Variants in SHANK2 observed in about 807,000 individuals in gnomAD.
The protein encoded by SHANK2 is SH3 and multiple ankyrin repeat domains 2.
In SHANK2, 43 loss-of-function variants were observed where a neutral mutation model predicts 133.7. The observed-to-expected ratio is 0.32, with a 90% confidence interval of 0.25 to 0.41. The LOEUF (loss-of-function observed/expected upper bound fraction) is 0.41. Ranked by LOEUF, SHANK2 falls within the 10% of genes least tolerant of loss-of-function variation. The pLI, the probability that SHANK2 is intolerant of heterozygous loss-of-function variation, is 1.00. For missense variants in SHANK2, 1,994 were observed against 2,235.8 expected, an observed-to-expected ratio of 0.89 and a Z score of 2.18; for synonymous variants, 1,017 against 952.8, an observed-to-expected ratio of 1.07 and a Z score of -1.24.
chr11:70,519,603 C>T (rs546322254), intron 17 of SHANK2, among the ~76,000 whole-genome samples: 2 of 152,108 alleles, frequency 1.3e-5, no homozygotes, highest in Admixed American at 1.3e-4. Context: ...GCCGAGATCG[C>T]ACCATTGCAC....
intron 14 of SHANK2, among the ~76,000 whole-genome samples, chr11:70,725,105 G>A (rs1195241527): frequency 6.6e-6 from 1 of 152,144 alleles, no homozygotes; most frequent in Non-Finnish European, 1.5e-5. Flanking sequence ...TCTTTGGGGG[G>A]GAAAACACTT....
At chr11:71,172,010 G>A (rs1953324317) in intron 2 of SHANK2, among the ~76,000 whole-genome samples, 1 of 152,226 alleles carries the variant, frequency 6.6e-6, no homozygotes, top group Non-Finnish European at 1.5e-5. Context: ...AGCAGCAGTA[G>A]GGTGATGGGA....
chr11:70,757,269 G>A (rs1555039140), intron 14 of SHANK2, among the ~76,000 whole-genome samples: 1 of 152,178 alleles, frequency 6.6e-6, no homozygotes, highest in Non-Finnish European at 1.5e-5. Context: ...TGAGCAAGGG[G>A]CTTACACTCT....
At chr11:70,936,241 G>C (rs111768990) in intron 10 of SHANK2, among the ~76,000 whole-genome samples, 3,461 of 152,352 alleles carry the variant, frequency 0.023, 77 homozygotes, top group Non-Finnish European at 0.03. Flanking sequence ...GCCAGGCGCG[G>C]TGGCTCACGC....
intron 2 of SHANK2, among the ~76,000 whole-genome samples, chr11:71,204,480 CG>C (rs1342195945): frequency 1.3e-5 from 2 of 152,150 alleles, no homozygotes; most frequent in African/African-American, 2.4e-5. Context: ...CAGGCTCCGA[CG>C]GGAAGAGGCA....
intron 8 of SHANK2, among the ~76,000 whole-genome samples, chr11:71,076,831 C>T (rs1439139871): frequency 6.6e-6 from 1 of 152,226 alleles, no homozygotes; most frequent in Non-Finnish European, 1.5e-5. Flanking sequence ...GCCCAGCTGA[C>T]CTTAGAGAAG....
intron 10 of SHANK2, among the ~76,000 whole-genome samples, chr11:70,914,939 ATTCAG>A (rs1341428220): frequency 6.6e-6 from 1 of 151,628 alleles, no homozygotes; most frequent in Admixed American, 6.6e-5. Flanking sequence ...AAGGAAGAAA[ATTCAG>A]TTGTTAAAGT....
intron 14 of SHANK2, among the ~76,000 whole-genome samples, chr11:70,797,675 C>T (rs1349394209): frequency 3.3e-5 from 5 of 152,212 alleles, no homozygotes; most frequent in South Asian, 2.1e-4. Context: ...CGGCAGGCTC[C>T]GCACAAGAAG....
At chr11:70,540,398 G>T (rs1274188329) in intron 17 of SHANK2, among the ~76,000 whole-genome samples, 1 of 152,090 alleles carries the variant, frequency 6.6e-6, no homozygotes, top group Non-Finnish European at 1.5e-5. Context: ...TGGAGTCGAG[G>T]TGATGAAGGC....
chr11:70,933,699 C>T (rs1422577236), intron 10 of SHANK2, among the ~76,000 whole-genome samples: 1 of 151,726 alleles, frequency 6.6e-6, no homozygotes, highest in African/African-American at 2.4e-5. Context: ...GCGGATGGAT[C>T]ACATGAGGTC....
intron 17 of SHANK2, among the ~76,000 whole-genome samples, chr11:70,556,126 T>C (rs2059825871): frequency 6.6e-6 from 1 of 152,246 alleles, no homozygotes; most frequent in African/African-American, 2.4e-5. Context: ...GTAGCCTGTT[T>C]AGGTTAGCTT....
In SHANK2 at chr11:70,503,918, A is replaced by G. The variant is rs561220292; in HGVS notation, c.2062-987T>C. Among the ~76,000 whole-genome samples the G allele has an allele frequency of 2.0e-5, 3 of 152,320 alleles. No individual in the cohort carries two copies. The East Asian group carries it at 5.8e-4, about 29-fold the overall frequency. ...GCAGGAGTAACACTTAGTGGTTTTCAAATGTTGCTGTGAAAAGGCCCCGGC... is the reference window on the plus strand; with the variant it reads ...GCAGGAGTAACACTTAGTGGTTTTCGAATGTTGCTGTGAAAAGGCCCCGGC... On this transcript the variant is annotated intron_variant, in intron 17 of 25. Transcript: ENST00000601538.
At chr11:71,065,857 G>T in intron 9 of SHANK2, among the ~76,000 whole-genome samples, 1 of 130,280 alleles carries the variant, frequency 7.7e-6, no homozygotes, top group Non-Finnish European at 1.6e-5. Context: ...CTCCCAGGGA[G>T]ATGAGCGGTG....
rs1463267870 is a variant in SHANK2 at position 71,061,698 on chromosome 11, CCATCGGGGTGT to C, written c.1030-5151_1030-5141del. Among the ~76,000 whole-genome samples, 8 of 152,274 alleles carry C rather than the reference CCATCGGGGTGT, an allele frequency of 5.3e-5. 1 individual carries two copies. Among genetic ancestry groups the C allele is most frequent in the African/African-American group, 1.9e-4 (8 of 41,544 alleles). Reference sequence around the variant, plus strand: ...CCCTCCAAGTCCCAGGCACATGGGCCCATCGGGGTGTCACCGGGAACCTGGGAATGGTGAGT... The same window carrying C: ...CCCTCCAAGTCCCAGGCACATGGGCCCACCGGGAACCTGGGAATGGTGAGT... On this transcript the variant is annotated intron_variant, in intron 9 of 25. Transcript: ENST00000601538.
chr11:70,834,671 A>G (rs1200741117), intron 11 of SHANK2, among the ~76,000 whole-genome samples: 1 of 152,276 alleles, frequency 6.6e-6, no homozygotes, highest in Non-Finnish European at 1.5e-5. Flanking sequence ...TAAATGAATC[A>G]TGCTTTTATA....
chr11:71,106,354 C>T (rs1461053385), intron 6 of SHANK2, among the ~76,000 whole-genome samples: 2 of 152,206 alleles, frequency 1.3e-5, no homozygotes, highest in Non-Finnish European at 2.9e-5. Flanking sequence ...GTAATCCAAA[C>T]ACTTCAGGAG....
Position 70,751,602 on chromosome 11 carries a change from C to A in SHANK2, c.1777+46841G>T, listed in dbSNP as rs75792762. 1.1e-4 allele frequency among the ~76,000 whole-genome samples: 16 copies of A among 152,276 alleles called. No homozygotes were observed. In the East Asian group the frequency reaches 1.9e-3, roughly 18 times the overall value. ...GAAGTACAGACAAAATGGTCAATAT[C>A]TTTTAATAGACTATACTTCACTTCT... On this transcript the variant is annotated intron_variant, in intron 14 of 25. Transcript: ENST00000601538.
chr11:70,557,865 T>C (rs1554979969), intron 17 of SHANK2, among the ~76,000 whole-genome samples: 2 of 152,244 alleles, frequency 1.3e-5, no homozygotes, highest in African/African-American at 2.4e-5. Flanking sequence ...AGCTGGGCTT[T>C]CTGCAGCCAC....
At chr11:71,187,971 T>G (rs1311203864) in intron 2 of SHANK2, among the ~76,000 whole-genome samples, 1 of 152,200 alleles carries the variant, frequency 6.6e-6, no homozygotes, top group Non-Finnish European at 1.5e-5. Context: ...GGTGTTGCTG[T>G]GAGGAAGGAA....
Sources: gnomAD v4.1 joint callset for allele counts (sites outside exome capture counted in the v4.1 genomes callset) on GRCh38, gnomAD v4.1.1 for gene constraint, MANE v1.5 for transcripts, NCBI Gene and HGNC (gene_info 2026-07-23, HGNC 2026-07-21) for gene names.